The following NYAP2 variants were observed in gnomAD, a reference collection of about 807,000 sequenced individuals.
NYAP2 encodes neuronal tyrosine-phosphorylated phosphoinositide-3-kinase adaptor 2.
In NYAP2, 23 loss-of-function variants were observed where a neutral mutation model predicts 50.4. The observed-to-expected ratio is 0.46, with a 90% CI of 0.33 to 0.65. The LOEUF (loss-of-function observed/expected upper bound fraction) is 0.65. Among genes scored for constraint, NYAP2 ranks in the 30% least tolerant of loss-of-function variants. The pLI is 0.02. For missense variants in NYAP2, 885 were observed against 861.0 expected, an observed-to-expected ratio of 1.03 and a Z score of -0.35; for synonymous variants, 394 against 365.2, an observed-to-expected ratio of 1.08 and a Z score of -0.90.
chr2:225,532,390 A>G (rs115781001), intron 4 of NYAP2, among the ~76,000 whole-genome samples: 30 of 152,324 alleles, frequency 2.0e-4, no homozygotes, highest in African/African-American at 7.0e-4. Flanking sequence ...TTTCTATTAT[A>G]TGAATTGCTA....
intron 4 of NYAP2, 43 bp from the exon 5 acceptor site, chr2:225,581,898 C>T: frequency 6.5e-7 from 1 of 1,529,754 alleles, no homozygotes; most frequent in South Asian, 1.3e-5. Flanking sequence ...TGAAAACTTT[C>T]CTATTATACT....
At chr2:225,601,417 G>T (rs962677277) in intron 5 of NYAP2, among the ~76,000 whole-genome samples, 1 of 152,150 alleles carries the variant, frequency 6.6e-6, no homozygotes, top group Non-Finnish European at 1.5e-5. Flanking sequence ...GGGATTACGG[G>T]CGTGGACCAC....
chr2:225,512,341 A>G (rs1690834363), intron 3 of NYAP2, among the ~76,000 whole-genome samples: 1 of 152,182 alleles, frequency 6.6e-6, no homozygotes, highest in Admixed American at 6.5e-5. Flanking sequence ...TTCTTTACTC[A>G]ATGTTGCTGT....
At chr2:225,660,539 T>A in the NYAP2 span, among the ~76,000 whole-genome samples, 1 of 150,444 alleles carries the variant, frequency 6.6e-6, no homozygotes, top group Non-Finnish European at 1.5e-5. Flanking sequence ...ACCATTCACA[T>A]TATAAAATGT....
intron 6 of NYAP2, among the ~76,000 whole-genome samples, chr2:225,642,294 C>T (rs1055773635): frequency 1.3e-5 from 2 of 151,976 alleles, no homozygotes; most frequent in African/African-American, 4.8e-5. Flanking sequence ...TTATTATAAG[C>T]AGGGAAGCTA....
intron 4 of NYAP2, among the ~76,000 whole-genome samples, chr2:225,547,809 G>A (rs1337053193): frequency 1.3e-5 from 2 of 152,126 alleles, no homozygotes; most frequent in South Asian, 4.1e-4. Flanking sequence ...TCTTATGAAG[G>A]TGCTATTTTG....
chr2:225,636,078 A>G (rs936599502), intron 6 of NYAP2, among the ~76,000 whole-genome samples: 4 of 152,202 alleles, frequency 2.6e-5, no homozygotes, highest in African/African-American at 4.8e-5. Context: ...TATATAATGT[A>G]CCCTAGACTC....
At chr2:225,452,320 A>T (rs558444777) in intron 3 of NYAP2, among the ~76,000 whole-genome samples, 11 of 152,202 alleles carry the variant, frequency 7.2e-5, no homozygotes, top group Non-Finnish European at 1.2e-4. Flanking sequence ...TAGGAAGTGC[A>T]CTCTTAAGAG....
chr2:225,683,881 T>C, the NYAP2 span, among the ~76,000 whole-genome samples: 1 of 152,214 alleles, frequency 6.6e-6, no homozygotes, highest in African/African-American at 2.4e-5. Flanking sequence ...TTCATTTTTT[T>C]TTCTGCCTTT....
chr2:225,644,869 G>A (rs1693600595), intron 6 of NYAP2, among the ~76,000 whole-genome samples: 1 of 152,056 alleles, frequency 6.6e-6, no homozygotes, highest in Non-Finnish European at 1.5e-5. Context: ...TTGAAGTCAG[G>A]TAGTGTGATG....
At chr2:225,590,188 C>T (rs1692473042) in intron 5 of NYAP2, among the ~76,000 whole-genome samples, 1 of 152,188 alleles carries the variant, frequency 6.6e-6, no homozygotes, top group Non-Finnish European at 1.5e-5. Context: ...TTGGTTGCTC[C>T]TCTGCCGAGA....
intron 3 of NYAP2, among the ~76,000 whole-genome samples, chr2:225,509,752 T>A (rs368315552): frequency 6.6e-6 from 1 of 152,342 alleles, no homozygotes; most frequent in East Asian, 1.9e-4. Flanking sequence ...CATAAAGTGC[T>A]CAATGGTTCA....
intron 3 of NYAP2, among the ~76,000 whole-genome samples, chr2:225,506,105 G>A (rs1256064423): frequency 6.6e-6 from 1 of 152,160 alleles, no homozygotes; most frequent in African/African-American, 2.4e-5. Context: ...AAAGATAAAG[G>A]AGAATGCATC....
chr2:225,422,770 A>G (rs2106127982), intron 3 of NYAP2, among the ~76,000 whole-genome samples: 1 of 152,254 alleles, frequency 6.6e-6, no homozygotes, highest in East Asian at 1.9e-4. Context: ...GACAAGGAGA[A>G]TAAAGGAGAA....
intron 5 of NYAP2, among the ~76,000 whole-genome samples, chr2:225,607,699 T>TTCTG (rs10672749): frequency 6.6e-6 from 1 of 151,872 alleles, no homozygotes; most frequent in African/African-American, 2.4e-5. Context: ...TATCAGTTGT[T>TTCTG]TATCAAAAGA....
rs371738452 is a variant in NYAP2 at position 225,633,441 on chromosome 2, G to A, written c.1828+6315G>A. 5.6e-4 allele frequency among the ~76,000 whole-genome samples: 85 copies of A among 152,316 alleles called. No homozygotes were observed. In the South Asian group the frequency reaches 0.017, roughly 30 times the overall value. ...CCTTCAGGACAGACAGGTATCATTA[G>A]CAAGTGAAGCAGGAAAGATGCCTTC... On this transcript the variant is annotated intron_variant, in intron 6 of 6. Coordinates refer to ENST00000636099, the Ensembl canonical transcript of NYAP2.
the NYAP2 span, among the ~76,000 whole-genome samples, chr2:225,661,568 A>G: frequency 6.6e-6 from 1 of 152,196 alleles, no homozygotes; most frequent in South Asian, 2.1e-4. Flanking sequence ...ACTGATGATA[A>G]AATTTTTGGC....
chr2:225,697,667 T>C, the NYAP2 span, among the ~76,000 whole-genome samples: 1 of 151,846 alleles, frequency 6.6e-6, no homozygotes, highest in African/African-American at 2.4e-5. Flanking sequence ...AATAAGACAA[T>C]GGAGCCAACA....
chr2:225,693,516 CACTGGGTAGCTTATAA>C, the NYAP2 span, among the ~76,000 whole-genome samples: 1 of 151,994 alleles, frequency 6.6e-6, no homozygotes, highest in African/African-American at 2.4e-5. Context: ...GAATACTATA[CACTGGGTAGCTTATAA>C]ACAACAAAAA....
Sources: allele counts gnomAD v4.1 joint callset (sites outside exome capture counted in the v4.1 genomes callset), GRCh38; gene constraint gnomAD v4.1.1; transcripts MANE v1.5; gene names NCBI Gene and HGNC (gene_info 2026-07-23, HGNC 2026-07-21).